DLG2: variants seen among roughly 807,000 people sequenced by gnomAD.
DLG2 encodes discs large MAGUK scaffold protein 2.
A neutral mutation model predicts 132.5 loss-of-function variants in DLG2; 45 were observed. That is an observed-to-expected ratio of 0.34 (90% CI 0.27 to 0.44). DLG2 has a LOEUF of 0.44. DLG2 is among the 20% of genes least tolerant of loss of function. The pLI is 1.00. For missense variants in DLG2, 1,045 were observed against 1,196.9 expected, an observed-to-expected ratio of 0.87 and a Z score of 1.87; for synonymous variants, 424 against 419.6, an observed-to-expected ratio of 1.01 and a Z score of -0.13.
chr11:83,675,989 A>T (rs899372195), intron 18 of DLG2, among the ~76,000 whole-genome samples: 56 of 152,332 alleles, frequency 3.7e-4, no homozygotes, highest in African/African-American at 1.1e-3. Flanking sequence ...CAAGTTATAG[A>T]TGGCTGCTGG....
intron 11 of DLG2, among the ~76,000 whole-genome samples, chr11:83,986,244 G>A (rs1406150021): frequency 6.9e-6 from 1 of 144,112 alleles, no homozygotes; most frequent in Non-Finnish European, 1.5e-5. Context: ...AGAGTGTGAT[G>A]TTCCCCTTCC....
At chr11:84,994,232 C>G (rs1325914609) in intron 6 of DLG2, among the ~76,000 whole-genome samples, 1 of 152,124 alleles carries the variant, frequency 6.6e-6, no homozygotes, top group Non-Finnish European at 1.5e-5. Context: ...CTCTCTCCAG[C>G]TCTACTCATC....
At chr11:84,127,302 A>G (rs1186444461) in intron 9 of DLG2, among the ~76,000 whole-genome samples, 1 of 152,212 alleles carries the variant, frequency 6.6e-6, no homozygotes, top group Non-Finnish European at 1.5e-5. Flanking sequence ...GTTCTGACAT[A>G]CATTCCAATA....
chr11:85,317,447 C>A (rs867821387), intron 3 of DLG2, among the ~76,000 whole-genome samples: 1 of 151,684 alleles, frequency 6.6e-6, no homozygotes, highest in African/African-American at 2.4e-5. Context: ...CAGGCCCTAA[C>A]CTAGAAAGAA....
intron 16 of DLG2, among the ~76,000 whole-genome samples, chr11:83,867,954 A>C (rs1175903497): frequency 6.6e-6 from 1 of 152,174 alleles, no homozygotes; most frequent in Admixed American, 6.6e-5. Context: ...TTACGGAGTA[A>C]GGAAATGGAA....
chr11:84,869,942 T>C lies in DLG2; in HGVS notation c.357+241719A>G, dbSNP rs570685045. On this transcript the variant is annotated intron_variant, in intron 6 of 27. Transcript: ENST00000376104. ...TTCCGTTTGGCAGAAAATATGTTTT[T>C]GGAAAAATGCCAGTGGAGATGTACA... Among the ~76,000 whole-genome samples, 43 of 152,364 alleles carry C rather than the reference T, an allele frequency of 2.8e-4. No homozygotes were observed. In the South Asian group the frequency reaches 8.7e-3, roughly 31 times the overall value.
chr11:85,134,104 T>G (rs2152417120), intron 5 of DLG2, among the ~76,000 whole-genome samples: 1 of 151,916 alleles, frequency 6.6e-6, no homozygotes, highest in African/African-American at 2.4e-5. Flanking sequence ...CCAATAAAAA[T>G]CGAAAATCAA....
rs146209931 is a variant in DLG2 at position 83,638,005 on chromosome 11, T to C, written c.1826-4680A>G. ...TTCTTCTGTCTTGCTTTGCATGAAA[T>C]AGATGTTTGGTAAATGCTTTTTAAA... On this transcript the variant is annotated intron_variant, in intron 18 of 27. Coordinates refer to ENST00000376104, the MANE Select transcript of DLG2 (RefSeq NM_001142699.3). Among the ~76,000 whole-genome samples, 821 of 152,278 alleles carry C rather than the reference T, an allele frequency of 5.4e-3. 10 individuals are homozygous for C. The highest frequency in any genetic ancestry group is 0.019 in the African/African-American group (780 of 41,546).
intron 6 of DLG2, among the ~76,000 whole-genome samples, chr11:84,858,496 C>T (rs2083099679): frequency 1.3e-5 from 2 of 152,178 alleles, no homozygotes; most frequent in African/African-American, 2.4e-5. Context: ...CTTACCAGAG[C>T]TCTCTTCTTA....
chr11:85,286,118 A>C (rs2078540831), intron 3 of DLG2: 1 of 454,662 alleles, frequency 2.2e-6, no homozygotes, highest in Non-Finnish European at 4.4e-6. Context: ...GAAAATGAAC[A>C]GAGACTATAA....
chr11:84,272,931 A>T (rs553879237), intron 7 of DLG2, among the ~76,000 whole-genome samples: 4 of 152,240 alleles, frequency 2.6e-5, no homozygotes, highest in African/African-American at 7.2e-5. Flanking sequence ...GTTTGATTGG[A>T]CCACTGTTTA....
chr11:83,803,856 A>G (rs994958709), intron 17 of DLG2, among the ~76,000 whole-genome samples: 1 of 152,146 alleles, frequency 6.6e-6, no homozygotes, highest in Non-Finnish European at 1.5e-5. Context: ...GGAATAATAT[A>G]TTAATGGAAT....
intron 8 of DLG2, among the ~76,000 whole-genome samples, chr11:84,177,785 T>C (rs2096010384): frequency 6.6e-6 from 1 of 152,132 alleles, no homozygotes; most frequent in Non-Finnish European, 1.5e-5. Flanking sequence ...TAGTGTAAAT[T>C]AATTTAAATA....
chr11:85,022,430 G>C (rs956187217), intron 6 of DLG2, among the ~76,000 whole-genome samples: 1 of 151,866 alleles, frequency 6.6e-6, no homozygotes, highest in Non-Finnish European at 1.5e-5. Flanking sequence ...TACAAAGAAA[G>C]TATTTTAAAA....
intron 6 of DLG2, among the ~76,000 whole-genome samples, chr11:84,731,957 C>G (rs528165230): frequency 6.6e-6 from 1 of 152,090 alleles, no homozygotes; most frequent in Admixed American, 6.6e-5. Context: ...TCCCCCATCC[C>G]AAAGCAATCA....
chr11:84,501,727 A>C (rs2099206280), intron 7 of DLG2, among the ~76,000 whole-genome samples: 1 of 152,236 alleles, frequency 6.6e-6, no homozygotes, highest in Non-Finnish European at 1.5e-5. Context: ...TAATGAAAAA[A>C]AATGGATTAA....
chr11:85,578,609 T>C (rs1179419201), intron 3 of DLG2, among the ~76,000 whole-genome samples: 1 of 152,058 alleles, frequency 6.6e-6, no homozygotes, highest in Non-Finnish European at 1.5e-5. Context: ...AACATACATA[T>C]GCCAACAATT....
At chr11:84,323,881 G>T (rs1352488012) in intron 7 of DLG2, among the ~76,000 whole-genome samples, 1 of 151,710 alleles carries the variant, frequency 6.6e-6, no homozygotes, top group Admixed American at 6.6e-5. Context: ...TATCATTCAG[G>T]TCCTTTCCCA....
At chr11:84,900,411 C>A (rs190021722) in intron 6 of DLG2, among the ~76,000 whole-genome samples, 5 of 151,946 alleles carry the variant, frequency 3.3e-5, no homozygotes, top group Non-Finnish European at 5.9e-5. Context: ...GGAATACAAT[C>A]GCAAATAAGC....
Sources: allele counts gnomAD v4.1 joint callset (sites outside exome capture counted in the v4.1 genomes callset), GRCh38; gene constraint gnomAD v4.1.1; transcripts MANE v1.5; gene names NCBI Gene and HGNC (gene_info 2026-07-23, HGNC 2026-07-21).